Variants in DIS3L observed in about 807,000 individuals in gnomAD.
DIS3L encodes the protein DIS3 like exosome 3'-5' exoribonuclease.
In DIS3L, 100 loss-of-function variants were observed where a neutral mutation model predicts 120.3. That is an observed-to-expected ratio of 0.83 (90% CI 0.71 to 0.98). The LOEUF is 0.98. Ranked by LOEUF, DIS3L falls within the 50% of genes least tolerant of loss-of-function variation. DIS3L has a pLI of 0.00. For synonymous variants in DIS3L, 426 were observed against 470.6 expected (o/e 0.91, Z 1.23); for missense variants, 1,196 against 1,314.2 (o/e 0.91, Z 1.39).
Position 66,309,094 on chromosome 15 carries a change from A to AAAAAAAAAATATATATATAT in DIS3L, c.558+251_558+252insAAAAAAAATATATATATATA. Among the ~76,000 whole-genome samples the AAAAAAAAAATATATATATAT allele has an allele frequency of 4.9e-3, 75 of 15,308 alleles. 18 individuals carry two copies. The highest frequency in any genetic ancestry group is 0.012 in the African/African-American group (61 of 5,118). 10.0% of individuals were successfully genotyped at this position (15,308 alleles called of 152,430 possible). A position where few individuals can be genotyped will look rare whatever the true frequency, so the allele number is the denominator to read the frequency against. ...CTTGTCTCTACAGAAAAAAAAAAAA[A>AAAAAAAAAATATATATATAT]ATATATATATCTCCAAGCATGGTGG... On this transcript the variant is annotated intron_variant, in intron 4 of 16. Transcript: ENST00000319212.
At chr15:66,303,988 G>T (rs1418863110) in intron 2 of DIS3L, among the ~76,000 whole-genome samples, 1 of 151,294 alleles carries the variant, frequency 6.6e-6, no homozygotes, top group African/African-American at 2.4e-5. Context: ...TACTCGGGAG[G>T]CTGAGGCAGG....
Position 66,329,024 on chromosome 15 carries a change from C to CA in DIS3L, c.2257dup (p.Ile753AsnfsTer39). 6.2e-7 allele frequency: 1 copy of CA among 1,614,202 alleles called. No individual in the cohort carries two copies. The highest frequency in any genetic ancestry group is 8.5e-7 in the Non-Finnish European group (1 of 1,180,038). ...ATAATGCGAACGACCCCCACGATCC[C>CA]ATTGTGAACAGGCTACTGCGCTCCA... On this transcript the variant is annotated frameshift_variant, in exon 13 of 17. Transcript: ENST00000319212. LOFTEE classifies it high-confidence loss of function.
rs568604466 is a variant in DIS3L, at chr15:66,333,884, C to G, written c.*572C>G. ...CCCTTTCTAATAAGTTTAATAAACC[C>G]GAAATTACTGGTTATCTCGTCTCCA... On this transcript the variant is annotated 3_prime_UTR_variant, in exon 17 of 17. Coordinates refer to ENST00000319212, the MANE Select transcript of DIS3L (RefSeq NM_001143688.3). 1 of 152,108 alleles carries G rather than the reference C, an allele frequency of 6.6e-6. No individual in the cohort carries two copies. The highest frequency in any genetic ancestry group is 6.6e-5 in the Admixed American group (1 of 15,264). The allele number at this position is 152,108 out of a possible 1,614,324, so 9.4% of individuals were successfully genotyped here.
intron 2 of DIS3L, among the ~76,000 whole-genome samples, chr15:66,302,247 A>G (rs2092655914): frequency 6.6e-6 from 1 of 152,210 alleles, no homozygotes; most frequent in Admixed American, 6.5e-5. Context: ...CTGCGTCTGT[A>G]GTCCTAGCTG....
intron 5 of DIS3L, 79 bp downstream of exon 5, chr15:66,311,979 G>A: frequency 2.0e-6 from 3 of 1,512,916 alleles, no homozygotes; most frequent in Non-Finnish European, 2.7e-6. Context: ...GGCTAAGGCT[G>A]ATAGATTGCT....
At chr15:66,331,195 G>T (rs1393079923) in intron 14 of DIS3L, among the ~76,000 whole-genome samples, 2 of 151,938 alleles carry the variant, frequency 1.3e-5, no homozygotes, top group Non-Finnish European at 2.9e-5. Flanking sequence ...TTACTAAATT[G>T]TCTTCCTTAT....
chr15:66,315,384 GTATAA>G (rs1481622862), intron 7 of DIS3L, among the ~76,000 whole-genome samples, 169 bp downstream of exon 7: 2 of 152,014 alleles, frequency 1.3e-5, no homozygotes, highest in Non-Finnish European at 2.9e-5. Context: ...TATTTACTGT[GTATAA>G]TATAATATGA....
chr15:66,294,896 G>A (rs1279072982), intron 1 of DIS3L, 92 bp from the exon 2 acceptor site: 11 of 1,303,474 alleles, frequency 8.4e-6, no homozygotes, highest in Non-Finnish European at 1.1e-5. Flanking sequence ...GTTAAGACTG[G>A]AAGTTATTTT....
At chr15:66,300,906 A>G (rs551712392) in intron 2 of DIS3L, among the ~76,000 whole-genome samples, 8 of 152,374 alleles carry the variant, frequency 5.3e-5, no homozygotes, top group African/African-American at 1.9e-4. Flanking sequence ...AGTATTGTCT[A>G]ATATAAATGG....
intron 11 of DIS3L, among the ~76,000 whole-genome samples, chr15:66,324,274 A>G (rs762652546): frequency 9.8e-5 from 15 of 152,314 alleles, no homozygotes; most frequent in African/African-American, 2.6e-4. Context: ...ATAGTTTCCA[A>G]TCTTTTGGTA....
At chr15:66,326,475 A>G in intron 12 of DIS3L, 111 bp downstream of exon 12, 1 of 1,217,592 alleles carries the variant, frequency 8.2e-7, no homozygotes, top group East Asian at 2.5e-5. Flanking sequence ...AAGAGAAAAC[A>G]GATTCTTGGC....
rs200353973 is a variant in DIS3L, at chr15:66,318,569, A to G, written c.1115A>G (p.Tyr372Cys). 52 of 1,614,112 alleles carry G rather than the reference A, an allele frequency of 3.2e-5. No individual in the cohort carries two copies. In the East Asian group the frequency reaches 1.0e-3, roughly 32 times the overall value. ...AQKILVTPWD[Y>C]RIPKIRISTQ... ...AAAATCCTGGTTACACCTTGGGATT[A>G]CAGAATTCCCAAAATTCGAATTAGC... The change falls in exon 8 of 17, where the codon TAC becomes TGC. Residue 372 changes from tyrosine (Y) to cysteine (C), a missense_variant. Coordinates refer to ENST00000319212, the MANE Select transcript of DIS3L (RefSeq NM_001143688.3).
At chr15:66,315,750 C>T (rs190029702) in intron 7 of DIS3L, among the ~76,000 whole-genome samples, 97 of 152,286 alleles carry the variant, frequency 6.4e-4, no homozygotes, top group Non-Finnish European at 9.6e-4. Context: ...GTTAACTCCA[C>T]GTTCTCTCTT....
chr15:66,295,724 A>C (rs910390666), intron 2 of DIS3L, among the ~76,000 whole-genome samples: 32 of 152,252 alleles, frequency 2.1e-4, no homozygotes, highest in Non-Finnish European at 1.0e-4. Context: ...TTAAATGAAG[A>C]ATAGCTGTCT....
chr15:66,325,652 C>T (rs1477184465), intron 11 of DIS3L, among the ~76,000 whole-genome samples, 179 bp from the exon 12 acceptor site: 1 of 152,000 alleles, frequency 6.6e-6, no homozygotes, highest in Non-Finnish European at 1.5e-5. Flanking sequence ...CACCTGTAAT[C>T]GCAGCACTTT....
intron 2 of DIS3L, among the ~76,000 whole-genome samples, chr15:66,300,816 C>T (rs922089513): frequency 3.3e-5 from 5 of 152,154 alleles, no homozygotes; most frequent in Non-Finnish European, 7.4e-5. Context: ...CTGAGAGGGC[C>T]GCACTGACGC....
Position 66,315,215 on chromosome 15 carries a change from G to A in DIS3L, c.994G>A (p.Gly332Ser), listed in dbSNP as rs754491648. 2 of 1,605,026 alleles carry A rather than the reference G, an allele frequency of 1.2e-6. No individual in the cohort carries two copies. Among genetic ancestry groups the A allele is most frequent in the South Asian group, 2.2e-5 (2 of 90,004 alleles). The change falls in exon 7 of 17, where the codon GGT becomes AGT. Residue 332 changes from glycine to serine, a missense_variant and splice_region_variant. Physicochemically the swap from Gly to Ser is moderately conservative, Grantham distance 56 (BLOSUM62 0). Coordinates refer to ENST00000319212, the MANE Select transcript of DIS3L (RefSeq NM_001143688.3). ...GTCCCCAAGTGAGCCCATGCCTACA[G>A]GTGAGCCAGCTGCAGAGCCACTCCG... is the stretch of plus-strand genomic sequence containing the variant. ...GESPSEPMPT[G>S]RVVGILQKNW...
At chr15:66,306,083 A>G (rs972838621) in intron 2 of DIS3L, among the ~76,000 whole-genome samples, 1 of 152,052 alleles carries the variant, frequency 6.6e-6, no homozygotes, top group African/African-American at 2.4e-5. Flanking sequence ...AGCTCAAGCA[A>G]TCTTCCCACC....
chr15:66,318,647 A>T, intron 8 of DIS3L, 29 bp downstream of exon 8: 1 of 1,605,598 alleles, frequency 6.2e-7, no homozygotes, highest in Non-Finnish European at 8.5e-7. Context: ...CTACTATGGG[A>T]TCTCTACGCT....
Sources: gnomAD v4.1 joint callset for allele counts (sites outside exome capture counted in the v4.1 genomes callset) on GRCh38, gnomAD v4.1.1 for gene constraint, MANE v1.5 for transcripts, NCBI Gene and HGNC (gene_info 2026-07-23, HGNC 2026-07-21) for gene names.